RBFOX1: variants seen among roughly 807,000 people sequenced by gnomAD.
The protein encoded by RBFOX1 is RNA binding protein fox-1 homolog 1.
Under a neutral mutation model 57.7 loss-of-function variants are expected in RBFOX1, and 8 were observed. The ratio of observed to expected loss-of-function variants is 0.14; its 90% CI spans 0.08 to 0.25. The LOEUF (loss-of-function observed/expected upper bound fraction) is 0.25. Ranked by LOEUF, RBFOX1 falls within the 10% of genes least tolerant of loss-of-function variation. The pLI, the probability that RBFOX1 is intolerant of heterozygous loss-of-function variation, is 1.00. For missense variants in RBFOX1, 611 were observed against 548.5 expected (o/e 1.11, Z -1.14); for synonymous variants, 326 against 222.4 (o/e 1.47, Z -4.15).
At chr16:6,812,426 T>A (rs1023386440) in intron 3 of RBFOX1, among the ~76,000 whole-genome samples, 3 of 152,140 alleles carry the variant, frequency 2.0e-5, no homozygotes, top group Non-Finnish European at 4.4e-5. Flanking sequence ...CAGGCTGGAG[T>A]GCAGTGGCCC....
chr16:6,594,745 G>A (rs948836335), intron 2 of RBFOX1, among the ~76,000 whole-genome samples: 15 of 151,874 alleles, frequency 9.9e-5, no homozygotes, highest in Admixed American at 5.9e-4. Context: ...TATGGTATGC[G>A]TATGCCACAA....
chr16:5,419,873 C>G (rs183453931), intron 1 of RBFOX1, among the ~76,000 whole-genome samples: 131 of 152,122 alleles, frequency 8.6e-4, no homozygotes, highest in South Asian at 7.3e-3. Context: ...GAGAGGGACC[C>G]TGGGTGATAG....
At chr16:6,227,461 C>T (rs1243625941) in intron 1 of RBFOX1, among the ~76,000 whole-genome samples, 1 of 152,140 alleles carries the variant, frequency 6.6e-6, no homozygotes, top group African/African-American at 2.4e-5. Context: ...AGTAGCAAAC[C>T]TTGATTTCTC....
intron 1 of RBFOX1, among the ~76,000 whole-genome samples, chr16:5,361,610 G>A (rs565707257): frequency 2.6e-5 from 4 of 152,304 alleles, no homozygotes; most frequent in Non-Finnish European, 4.4e-5. Flanking sequence ...ATGGAGCGTG[G>A]GGCCTTGTGT....
At chr16:6,068,499 G>T (rs12921333) in intron 1 of RBFOX1, among the ~76,000 whole-genome samples, 57,059 of 151,930 alleles carry the variant, frequency 0.38, 10,801 homozygotes, top group Non-Finnish European at 0.41. Context: ...ACCGTTTGGG[G>T]TTAAACAAGT....
chr16:6,274,252 G>A (rs2075549105), intron 1 of RBFOX1, among the ~76,000 whole-genome samples: 1 of 152,138 alleles, frequency 6.6e-6, no homozygotes, highest in Non-Finnish European at 1.5e-5. Flanking sequence ...GTTCACCAAT[G>A]TTTGTAGCAG....
intron 2 of RBFOX1, among the ~76,000 whole-genome samples, chr16:6,384,535 A>T (rs1404500272): frequency 6.6e-6 from 1 of 152,156 alleles, no homozygotes; most frequent in Non-Finnish European, 1.5e-5. Context: ...TGTGCATTGA[A>T]GAAATGGAGC....
intron 3 of RBFOX1, among the ~76,000 whole-genome samples, chr16:7,013,404 T>A (rs1299352459): frequency 6.6e-6 from 1 of 152,176 alleles, no homozygotes; most frequent in East Asian, 1.9e-4. Context: ...AGAGAACATG[T>A]GACAATGTCT....
At chr16:5,349,776 C>G (rs923153655) in intron 1 of RBFOX1, among the ~76,000 whole-genome samples, 30 of 152,312 alleles carry the variant, frequency 2.0e-4, no homozygotes, top group Middle Eastern at 3.4e-3. Flanking sequence ...CTGCATTTGG[C>G]GGGGACCACA....
intron 14 of RBFOX1, among the ~76,000 whole-genome samples, chr16:7,699,075 G>A (rs2079767508): frequency 6.6e-6 from 1 of 152,168 alleles, no homozygotes; most frequent in African/African-American, 2.4e-5. Context: ...CTGCCCCTGA[G>A]ATTCTGATTC....
At chr16:7,135,603 A>C (rs2071700291) in intron 4 of RBFOX1, among the ~76,000 whole-genome samples, 1 of 152,252 alleles carries the variant, frequency 6.6e-6, no homozygotes, top group Non-Finnish European at 1.5e-5. Context: ...CTCTGAGCAT[A>C]AACTTTGTAG....
At chr16:7,341,892 A>C (rs1325220789) in intron 4 of RBFOX1, among the ~76,000 whole-genome samples, 1 of 150,550 alleles carries the variant, frequency 6.6e-6, no homozygotes, top group South Asian at 2.1e-4. Context: ...CTTGCATCCA[A>C]CTTAGACTAA....
intron 3 of RBFOX1, among the ~76,000 whole-genome samples, chr16:5,842,322 C>T (rs541343566): frequency 3.9e-5 from 6 of 152,070 alleles, no homozygotes; most frequent in South Asian, 2.1e-4. Context: ...TAAGCTGATG[C>T]GAGCTGCTTC....
chr16:7,615,979 C>T (rs149244662), intron 10 of RBFOX1, among the ~76,000 whole-genome samples: 1 of 152,196 alleles, frequency 6.6e-6, no homozygotes, highest in Non-Finnish European at 1.5e-5. Flanking sequence ...CAGCTGCAGT[C>T]ATCAATGGCA....
chr16:6,473,314 G>A (rs1161443712), intron 2 of RBFOX1, among the ~76,000 whole-genome samples: 1 of 152,130 alleles, frequency 6.6e-6, no homozygotes, highest in Non-Finnish European at 1.5e-5. Context: ...AAATCAGACA[G>A]CAAGTGCTCA....
chr16:5,719,034 G>C (rs1397905857), intron 3 of RBFOX1, among the ~76,000 whole-genome samples: 2 of 151,884 alleles, frequency 1.3e-5, no homozygotes, highest in Non-Finnish European at 2.9e-5. Context: ...CTGAGATCAT[G>C]TGTATAAGTG....
intron 2 of RBFOX1, among the ~76,000 whole-genome samples, chr16:5,566,938 T>A (rs1481212042): frequency 1.3e-5 from 2 of 152,168 alleles, no homozygotes; most frequent in Non-Finnish European, 2.9e-5. Context: ...TTGATTTCCA[T>A]GTGTCGCAAT....
chr16:7,318,730 C>CT (rs2143002110), intron 4 of RBFOX1, among the ~76,000 whole-genome samples: 1 of 152,256 alleles, frequency 6.6e-6, no homozygotes, highest in South Asian at 2.1e-4. Context: ...CTTGATTTTG[C>CT]TTTTTATAGC....
At chr16:7,085,701 C>T (rs2059884873) in intron 4 of RBFOX1, among the ~76,000 whole-genome samples, 1 of 152,072 alleles carries the variant, frequency 6.6e-6, no homozygotes, top group Non-Finnish European at 1.5e-5. Flanking sequence ...GGATCATGTC[C>T]GGAGGTGATC....
Sources: allele counts gnomAD v4.1 joint callset (sites outside exome capture counted in the v4.1 genomes callset), GRCh38; gene constraint gnomAD v4.1.1; transcripts MANE v1.5; gene names NCBI Gene and HGNC (gene_info 2026-07-23, HGNC 2026-07-21).